Variants in AOPEP observed in about 807,000 individuals in gnomAD.
AOPEP encodes aminopeptidase O.
A neutral mutation model predicts 98.1 loss-of-function variants in AOPEP; 77 were observed. That is an observed-to-expected ratio of 0.78 (90% confidence interval 0.65 to 0.95). The LOEUF (loss-of-function observed/expected upper bound fraction) is 0.95. Ranked by LOEUF, AOPEP falls within the 40% of genes least tolerant of loss-of-function variation. The pLI is 0.00. For synonymous variants in AOPEP, 346 were observed against 365.3 expected (o/e 0.95, Z 0.60); for missense variants, 1,024 against 1,024.7 (o/e 1.00, Z 0.01).
chr9:94,960,867 C>T (rs1323149096), intron 9 of AOPEP, among the ~76,000 whole-genome samples: 1 of 152,032 alleles, frequency 6.6e-6, no homozygotes, highest in Non-Finnish European at 1.5e-5. Flanking sequence ...AAAAAATTAG[C>T]CGGGCGCGGT....
intron 14 of AOPEP, among the ~76,000 whole-genome samples, chr9:95,078,646 G>A (rs1490818510): frequency 1.3e-5 from 2 of 152,246 alleles, no homozygotes; most frequent in East Asian, 1.9e-4. Context: ...CCATCCATAT[G>A]TGGCCATCTC....
intron 5 of AOPEP, among the ~76,000 whole-genome samples, chr9:94,838,909 CTTTT>C (rs35849023): frequency 1.0e-5 from 1 of 99,770 alleles, no homozygotes. Flanking sequence ...AAATGCTATT[CTTTT>C]TTTTTTTTTT....
At chr9:94,997,748 C>T (rs923512299) in intron 11 of AOPEP, among the ~76,000 whole-genome samples, 5 of 152,116 alleles carry the variant, frequency 3.3e-5, no homozygotes, top group Non-Finnish European at 7.4e-5. Context: ...GGCTGGAGTG[C>T]GGTGGCACAA....
Position 95,058,034 on chromosome 9 carries a change from C to T in AOPEP, c.2116-2660C>T, listed in dbSNP as rs190149564. Among the ~76,000 whole-genome samples the T allele has an allele frequency of 4.4e-3, 677 of 152,318 alleles. 6 individuals carry two copies. Among genetic ancestry groups the T allele is most frequent in the Non-Finnish European group, 5.9e-3 (401 of 68,026 alleles). ...CAGGGAGTTTAGCTTTAAATATTTT[C>T]ATTGTGTAAAATTTGGAGAGGACAA... is the stretch of plus-strand genomic sequence containing the variant. On this transcript the variant is annotated intron_variant, in intron 13 of 16. Transcript: ENST00000375315.
chr9:94,941,375 T>C (rs1904201), intron 7 of AOPEP, among the ~76,000 whole-genome samples: 22,865 of 152,280 alleles, frequency 0.15, 3,973 homozygotes, highest in African/African-American at 0.42. Context: ...CACGTGGGAT[T>C]CCCCTACCCA....
chr9:94,861,462 C>G (rs1181164029), intron 5 of AOPEP, among the ~76,000 whole-genome samples: 1 of 152,126 alleles, frequency 6.6e-6, no homozygotes, highest in African/African-American at 2.4e-5. Flanking sequence ...CAATGAGTAT[C>G]AGGGATGGGT....
chr9:94,776,507 G>T (rs1024861485), intron 3 of AOPEP, among the ~76,000 whole-genome samples: 2 of 152,160 alleles, frequency 1.3e-5, no homozygotes, highest in Non-Finnish European at 2.9e-5. Flanking sequence ...TCACTGTGTT[G>T]CCCAGGCTGG....
chr9:94,796,147 A>T (rs1846878072), intron 4 of AOPEP, among the ~76,000 whole-genome samples: 1 of 152,200 alleles, frequency 6.6e-6, no homozygotes. Context: ...CAGTCAGGTA[A>T]GCTGGGGAGA....
the AOPEP span, among the ~76,000 whole-genome samples, chr9:95,126,256 T>C: frequency 6.6e-6 from 1 of 152,354 alleles, no homozygotes; most frequent in East Asian, 1.9e-4. Context: ...TTTCATGATA[T>C]TAATGCCTAA....
chr9:94,823,655 G>T lies in AOPEP; in HGVS notation c.1364+22653G>T, dbSNP rs143800066. On this transcript the variant is annotated intron_variant, in intron 5 of 16. Coordinates refer to ENST00000375315, the MANE Select transcript of AOPEP (RefSeq NM_001193329.3). ...CTTCCCCGGGTTCCCACACCAGGCT[G>T]AGTGGAAGGAGGTGTAGATTGAGCA... 1.5e-3 allele frequency among the ~76,000 whole-genome samples: 227 copies of T among 152,308 alleles called. 5 individuals carry two copies. The East Asian group carries it at 0.038, about 25-fold the overall frequency.
chr9:95,016,145 C>T (rs1400330063), intron 13 of AOPEP, among the ~76,000 whole-genome samples: 2 of 151,518 alleles, frequency 1.3e-5, no homozygotes, highest in East Asian at 1.9e-4. Flanking sequence ...TTTTTTTTCC[C>T]CCCACGGTAA....
chr9:94,919,680 C>T (rs1468900672), intron 5 of AOPEP, among the ~76,000 whole-genome samples: 2 of 152,048 alleles, frequency 1.3e-5, no homozygotes, highest in Non-Finnish European at 2.9e-5. Flanking sequence ...AGGGGTGGAG[C>T]GACAGTTTGT....
At position 94,957,633 on chromosome 9, in the gene AOPEP, T is replaced by G. The variant is rs2058555482; in HGVS notation, c.1872+1618T>G. 2.0e-5 allele frequency among the ~76,000 whole-genome samples: 3 copies of G among 152,224 alleles called. No homozygotes were observed. The South Asian group carries it at 6.2e-4, about 32-fold the overall frequency. On this transcript the variant is annotated intron_variant, in intron 9 of 16. Transcript: ENST00000375315. ...GTGGTTTTTGGTATATTTACAAGAT[T>G]GTTCAACCGTCATCATTATCTAATT... is the stretch of plus-strand genomic sequence containing the variant.
intron 14 of AOPEP, among the ~76,000 whole-genome samples, chr9:95,074,666 T>G (rs1445723206): frequency 6.6e-6 from 1 of 152,242 alleles, no homozygotes; most frequent in East Asian, 1.9e-4. Context: ...CACACCTGTG[T>G]GTTGTGCAAA....
intron 14 of AOPEP, among the ~76,000 whole-genome samples, chr9:95,062,462 T>C (rs999243936): frequency 6.6e-6 from 1 of 152,204 alleles, no homozygotes; most frequent in Non-Finnish European, 1.5e-5. Context: ...AGGAGTTTTG[T>C]TGGCTGAGCA....
At chr9:95,128,363 C>G in the AOPEP span, among the ~76,000 whole-genome samples, 1 of 152,152 alleles carries the variant, frequency 6.6e-6, no homozygotes, top group South Asian at 2.1e-4. Context: ...CTGTTATGTG[C>G]CCACAGGCAG....
chr9:94,832,238 T>C (rs375420204), intron 5 of AOPEP, among the ~76,000 whole-genome samples: 9 of 152,292 alleles, frequency 5.9e-5, no homozygotes, highest in South Asian at 4.1e-4. Flanking sequence ...AACAGTCATA[T>C]AGAAAAATGA....
chr9:95,104,960 G>C, the AOPEP span, among the ~76,000 whole-genome samples: 5 of 152,208 alleles, frequency 3.3e-5, no homozygotes, highest in Admixed American at 2.0e-4. Flanking sequence ...CTCGCGTCTG[G>C]CTTATTTCGC....
chr9:94,753,877 T>G (rs748888161), intron 1 of AOPEP, among the ~76,000 whole-genome samples: 19 of 152,244 alleles, frequency 1.2e-4, no homozygotes, highest in Non-Finnish European at 2.6e-4. Context: ...CACCTGTGCC[T>G]CTTTTTATGC....
Sources: allele counts gnomAD v4.1 joint callset (sites outside exome capture counted in the v4.1 genomes callset), GRCh38; gene constraint gnomAD v4.1.1; transcripts MANE v1.5; gene names NCBI Gene and HGNC (gene_info 2026-07-23, HGNC 2026-07-21).